The following CNTNAP4 variants were observed in gnomAD, a reference collection of about 807,000 sequenced individuals.
The protein encoded by CNTNAP4 is contactin associated protein family member 4.
Under a neutral mutation model 148.4 loss-of-function variants are expected in CNTNAP4, and 98 were observed. That is an observed-to-expected ratio of 0.66 (90% CI 0.56 to 0.78). The LOEUF is 0.78. CNTNAP4 is among the 30% of genes least tolerant of loss of function. The pLI is 0.00. For missense variants in CNTNAP4, 1,935 were observed against 1,565.6 expected, an observed-to-expected ratio of 1.24 and a Z score of -3.98; for synonymous variants, 730 against 565.1, an observed-to-expected ratio of 1.29 and a Z score of -4.14.
At chr16:76,297,967 C>T (rs1451724765) in intron 1 of CNTNAP4, among the ~76,000 whole-genome samples, 1 of 151,894 alleles carries the variant, frequency 6.6e-6, no homozygotes, top group Non-Finnish European at 1.5e-5. Context: ...TTTCTTATCA[C>T]CCGTAATCAG....
intron 4 of CNTNAP4, among the ~76,000 whole-genome samples, chr16:76,431,988 G>A (rs2079627137): frequency 1.3e-5 from 2 of 152,090 alleles, no homozygotes; most frequent in Non-Finnish European, 1.5e-5. Context: ...AGTTGAAGAC[G>A]TAGAATTAAA....
At chr16:76,536,649 A>C (rs548269688) in intron 18 of CNTNAP4, among the ~76,000 whole-genome samples, 6 of 152,316 alleles carry the variant, frequency 3.9e-5, no homozygotes, top group African/African-American at 1.4e-4. Flanking sequence ...ACATTTATAC[A>C]TTAATCATAC....
chr16:76,289,584 T>G (rs551030315), intron 1 of CNTNAP4, among the ~76,000 whole-genome samples: 45 of 152,166 alleles, frequency 3.0e-4, no homozygotes, highest in African/African-American at 1.1e-3. Context: ...TCCGCCTGTT[T>G]TTTTTTGAGA....
intron 21 of CNTNAP4, among the ~76,000 whole-genome samples, chr16:76,545,448 A>G (rs538602201): frequency 2.6e-5 from 4 of 152,174 alleles, no homozygotes; most frequent in Non-Finnish European, 5.9e-5. Context: ...GGAAGTTGAG[A>G]TTTTGTCATA....
intron 15 of CNTNAP4, among the ~76,000 whole-genome samples, chr16:76,502,670 G>A (rs1234017789): frequency 6.6e-6 from 1 of 152,068 alleles, no homozygotes; most frequent in Non-Finnish European, 1.5e-5. Context: ...TTTAAAAGGG[G>A]GATCAACTAC....
intron 7 of CNTNAP4, among the ~76,000 whole-genome samples, chr16:76,452,059 GT>G (rs200276930): frequency 0.078 from 10,823 of 138,190 alleles, 761 homozygotes; most frequent in African/African-American, 0.2. Context: ...TGGTAAAAAT[GT>G]TTTTTTTTTT....
At chr16:76,340,259 C>T (rs532159222) in intron 2 of CNTNAP4, among the ~76,000 whole-genome samples, 1 of 152,192 alleles carries the variant, frequency 6.6e-6, no homozygotes, top group Admixed American at 6.5e-5. Flanking sequence ...AACATAGCTG[C>T]CCAAGTTCCC....
chr16:76,400,498 T>C (rs1283915792), intron 3 of CNTNAP4, among the ~76,000 whole-genome samples: 1 of 152,150 alleles, frequency 6.6e-6, no homozygotes, highest in East Asian at 1.9e-4. Flanking sequence ...GTAAGTTGTC[T>C]GTTTATTGAT....
chr16:76,362,277 T>C (rs2013532016), intron 3 of CNTNAP4, among the ~76,000 whole-genome samples: 1 of 152,168 alleles, frequency 6.6e-6, no homozygotes, highest in Non-Finnish European at 1.5e-5. Context: ...TGAAAAAATT[T>C]CTGTGTTCAT....
intron 2 of CNTNAP4, among the ~76,000 whole-genome samples, chr16:76,326,653 A>G (rs944038724): frequency 6.6e-6 from 1 of 152,182 alleles, no homozygotes; most frequent in Non-Finnish European, 1.5e-5. Flanking sequence ...TTGTAGGGAC[A>G]TGGATAAAGC....
intron 7 of CNTNAP4, among the ~76,000 whole-genome samples, chr16:76,451,070 A>G (rs943930847): frequency 2.6e-5 from 4 of 152,180 alleles, no homozygotes; most frequent in Non-Finnish European, 5.9e-5. Context: ...GCATCCAGCG[A>G]TGGGCCTGGG....
intron 1 of CNTNAP4, among the ~76,000 whole-genome samples, chr16:76,314,220 C>T (rs1961456306): frequency 6.6e-6 from 1 of 152,090 alleles, no homozygotes; most frequent in Non-Finnish European, 1.5e-5. Context: ...TAATTATAAG[C>T]CTTTGACTAT....
At chr16:76,455,336 G>A (rs1413581959) in intron 8 of CNTNAP4, among the ~76,000 whole-genome samples, 1 of 152,164 alleles carries the variant, frequency 6.6e-6, no homozygotes, top group Non-Finnish European at 1.5e-5. Flanking sequence ...CATGCCTCTT[G>A]TCCCCATGGG....
At chr16:76,511,033 A>G (rs1485377710) in intron 15 of CNTNAP4, among the ~76,000 whole-genome samples, 1 of 152,158 alleles carries the variant, frequency 6.6e-6, no homozygotes, top group Non-Finnish European at 1.5e-5. Context: ...TTTTTCTGGA[A>G]ATAGAAGTGA....
chr16:76,499,119 G>A (rs1208639514), intron 15 of CNTNAP4, among the ~76,000 whole-genome samples: 3 of 146,792 alleles, frequency 2.0e-5, no homozygotes, highest in African/African-American at 7.7e-5. Context: ...TCAGGCTGGA[G>A]TGCAGTGGCG....
At chr16:76,547,348 C>T (rs927803812) in intron 21 of CNTNAP4, among the ~76,000 whole-genome samples, 2 of 152,078 alleles carry the variant, frequency 1.3e-5, no homozygotes, top group Admixed American at 1.3e-4. Flanking sequence ...GGAAAATATG[C>T]CCACATTTTG....
chr16:76,491,005 T>C (rs781255459), intron 13 of CNTNAP4, among the ~76,000 whole-genome samples: 1 of 151,986 alleles, frequency 6.6e-6, no homozygotes, highest in Non-Finnish European at 1.5e-5. Flanking sequence ...ATAAAGATCA[T>C]GCAAAAACGC....
chr16:76,353,693 AGTTT>A (rs2012168561), intron 2 of CNTNAP4, among the ~76,000 whole-genome samples: 1 of 152,080 alleles, frequency 6.6e-6, no homozygotes, highest in Non-Finnish European at 1.5e-5. Flanking sequence ...CTACAGCTCC[AGTTT>A]ACCCTTATGC....
At chr16:76,384,886 G>A (rs954371643) in intron 3 of CNTNAP4, among the ~76,000 whole-genome samples, 5 of 152,112 alleles carry the variant, frequency 3.3e-5, no homozygotes, top group South Asian at 2.1e-4. Context: ...AAGAACAACA[G>A]GGAAATCATA....
Sources: gnomAD v4.1 joint callset for allele counts (sites outside exome capture counted in the v4.1 genomes callset) on GRCh38, gnomAD v4.1.1 for gene constraint, MANE v1.5 for transcripts, NCBI Gene and HGNC (gene_info 2026-07-23, HGNC 2026-07-21) for gene names.